LPIN2: variants seen among roughly 807,000 people sequenced by gnomAD.
LPIN2 encodes phosphatidate phosphatase LPIN2.
LPIN2 carries 55 observed loss-of-function variants against 111.4 expected under a neutral mutation model. The ratio of observed to expected loss-of-function variants is 0.49; its 90% CI spans 0.40 to 0.62. The LOEUF is 0.62. Among genes scored for constraint, LPIN2 ranks in the 20% least tolerant of loss-of-function variants. The probability of loss-of-function intolerance (pLI) is 0.00; values close to 1 mark genes in which losing one functional copy is unlikely to be tolerated. For synonymous variants in LPIN2, 425 were observed against 414.0 expected (o/e 1.03, Z -0.32); for missense variants, 992 against 1,112.1 (o/e 0.89, Z 1.54).
At chr18:2,993,014 G>A (rs1256300335) in intron 1 of LPIN2, among the ~76,000 whole-genome samples, 1 of 151,476 alleles carries the variant, frequency 6.6e-6, no homozygotes, top group Non-Finnish European at 1.5e-5. Flanking sequence ...TTAGCCAGGT[G>A]TGGTGGTGTA....
At chr18:2,995,614 C>T (rs2078328532) in intron 1 of LPIN2, among the ~76,000 whole-genome samples, 1 of 152,202 alleles carries the variant, frequency 6.6e-6, no homozygotes, top group Admixed American at 6.5e-5. Flanking sequence ...AGGTGCCACA[C>T]AGGATAAAAA....
At chr18:2,973,006 A>C (rs1399896314) in intron 1 of LPIN2, among the ~76,000 whole-genome samples, 1 of 152,202 alleles carries the variant, frequency 6.6e-6, no homozygotes, top group African/African-American at 2.4e-5. Flanking sequence ...TAAGAACTGT[A>C]ATCAGTTCAA....
At chr18:3,011,397 TA>T (rs34843666) in intron 1 of LPIN2, among the ~76,000 whole-genome samples, 15,076 of 152,156 alleles carry the variant, frequency 0.099, 1,137 homozygotes, top group East Asian at 0.39. Context: ...GGAGATACCT[TA>T]AGTCTGGCTG....
intron 4 of LPIN2, among the ~76,000 whole-genome samples, chr18:2,949,084 T>C (rs2077497273): frequency 6.6e-6 from 1 of 152,228 alleles, no homozygotes; most frequent in Admixed American, 6.5e-5. Flanking sequence ...ATTACAGGCA[T>C]GGGCTACCGT....
At chr18:2,989,117 T>A (rs1353989231) in intron 1 of LPIN2, among the ~76,000 whole-genome samples, 1 of 152,186 alleles carries the variant, frequency 6.6e-6, no homozygotes, top group Non-Finnish European at 1.5e-5. Context: ...GAAAGACAGA[T>A]TTGCTTTATC....
At chr18:2,955,541 T>A (rs1423812660) in intron 2 of LPIN2, among the ~76,000 whole-genome samples, 4 of 152,200 alleles carry the variant, frequency 2.6e-5, no homozygotes, top group African/African-American at 9.7e-5. Flanking sequence ...CCTCTAACAC[T>A]GGAGTTCACA....
At chr18:2,937,570 A>G in intron 7 of LPIN2, 122 bp downstream of exon 7, 1 of 661,404 alleles carries the variant, frequency 1.5e-6, no homozygotes, top group South Asian at 1.8e-5. Context: ...AAAAAAAAAA[A>G]AGTGCGACGG....
At chr18:2,951,022 C>T (rs368433063) in intron 4 of LPIN2, 33 bp downstream of exon 4, 15 of 1,612,804 alleles carry the variant, frequency 9.3e-6, no homozygotes, top group South Asian at 1.1e-5. Flanking sequence ...TCTAGGTACC[C>T]GCACAAGACC....
At chr18:2,992,521 CA>C (rs1232295659) in intron 1 of LPIN2, among the ~76,000 whole-genome samples, 1 of 152,144 alleles carries the variant, frequency 6.6e-6, no homozygotes, top group Non-Finnish European at 1.5e-5. Context: ...TGAAATCATA[CA>C]TTCAAAAATG....
At position 2,924,524 on chromosome 18, in the gene LPIN2, C is replaced by T; in HGVS notation, c.1961G>A (p.Gly654Asp). Residue 654 changes from glycine (G) to aspartate (D), a missense_variant, in exon 15 of 20, where the codon GGC becomes GAC. Around this residue, in one of 4 missense-constraint regions of LPIN2, gnomAD observed 709 missense variants for 753.2 expected, o/e 0.94. Coordinates refer to ENST00000677752, the MANE Select transcript of LPIN2 (RefSeq NM_001375808.2). ...DQIAKLKLHD[G>D]PNDVVFSITT... ...AATACTAAACACAACATCATTTGGG[C>T]CATCGTGGAGCTTCAGTTTTGCCTT... 1 of 1,614,148 alleles carries T rather than the reference C, an allele frequency of 6.2e-7. No homozygotes were observed. Among genetic ancestry groups the T allele is most frequent in the Non-Finnish European group, 8.5e-7 (1 of 1,180,004 alleles).
At chr18:2,960,621 G>A (rs372882908) in intron 2 of LPIN2, 28 bp downstream of exon 2, 7 of 1,606,816 alleles carry the variant, frequency 4.4e-6, no homozygotes, top group Non-Finnish European at 6.0e-6. Flanking sequence ...ATCTCAGGAT[G>A]ACTTTTCCTC....
At chr18:2,952,946 A>G (rs1284392976) in intron 3 of LPIN2, among the ~76,000 whole-genome samples, 1 of 152,238 alleles carries the variant, frequency 6.6e-6, no homozygotes, top group African/African-American at 2.4e-5. Context: ...AAAATCTGAG[A>G]GAAAAAAATC....
Position 2,924,390 on chromosome 18 carries a change from G to A in LPIN2, c.2087+8C>T, listed in dbSNP as rs2077100589. The A allele has an allele frequency of 6.2e-7, 1 of 1,614,066 alleles. No individual in the cohort carries two copies. The highest frequency in any genetic ancestry group is 1.1e-5 in the South Asian group (1 of 91,074). On this transcript the variant is annotated splice_region_variant and intron_variant, in intron 15 of 19. Transcript: ENST00000677752. ...TTCCTTGCCACCCACCTGAAGGATT[G>A]AGCTTACTTGGTTATTGTCCCATCA... is the stretch of plus-strand genomic sequence containing the variant.
At position 2,937,847 on chromosome 18, in the gene LPIN2, T is replaced by A; in HGVS notation, c.1013A>T (p.Asp338Val). Residue 338 changes from aspartate to valine, a missense_variant, in exon 7 of 20, where the codon GAC becomes GTC. Coordinates refer to ENST00000677752, the MANE Select transcript of LPIN2 (RefSeq NM_001375808.2). ...GAGAAGCTCTGCCACAGATGTTGGG[T>A]CGCTCATCTGTGTACCCAGGGCTCT... ...KPRALGTQMS[D>V]PTSVAELLEP... 6.2e-7 allele frequency: 1 copy of A among 1,614,134 alleles called. No homozygotes were observed. Among genetic ancestry groups the A allele is most frequent in the Non-Finnish European group, 8.5e-7 (1 of 1,180,020 alleles).
intron 9 of LPIN2, among the ~76,000 whole-genome samples, chr18:2,929,856 GC>G (rs2077188734): frequency 1.3e-5 from 2 of 152,210 alleles, no homozygotes; most frequent in Non-Finnish European, 2.9e-5. Flanking sequence ...GTTGCAGTGA[GC>G]TGAGATGGTG....
intron 14 of LPIN2, 55 bp from the exon 15 acceptor site, chr18:2,924,601 A>G: frequency 1.9e-6 from 3 of 1,583,962 alleles, no homozygotes; most frequent in Non-Finnish European, 2.6e-6. Flanking sequence ...GTTTGAAACG[A>G]TTTAAAAATT....
chr18:3,002,970 A>G (rs2078456776), intron 1 of LPIN2, among the ~76,000 whole-genome samples: 1 of 152,218 alleles, frequency 6.6e-6, no homozygotes, highest in South Asian at 2.1e-4. Context: ...CCTTTGTCCT[A>G]TGACTCTCTC....
intron 1 of LPIN2, among the ~76,000 whole-genome samples, chr18:2,997,442 CTAAACATAACAAATTCA>C: frequency 2.1e-5 from 1 of 48,570 alleles, no homozygotes; most frequent in African/African-American, 4.0e-5. Context: ...TTGTATTTTT[CTAAACATAACAAATTCA>C]AAGGAACATT....
In LPIN2 at chr18:2,960,811, C is replaced by G. The variant is rs1201537617; in HGVS notation, c.30G>C (p.Gln10His). Residue 10 changes from glutamine (Q) to histidine (H), a missense_variant, in exon 2 of 20, where the codon CAG becomes CAC. Physicochemically the swap from Gln to His is conservative, Grantham distance 24 (BLOSUM62 0). Coordinates refer to ENST00000677752, the MANE Select transcript of LPIN2 (RefSeq NM_001375808.2). ...AGAGTTCCTTCACAGTGACAATCACCTGCCCAGCCAGCTGTCCCACATAAT... is the reference window on the plus strand; with the variant it reads ...AGAGTTCCTTCACAGTGACAATCACGTGCCCAGCCAGCTGTCCCACATAAT... MNYVGQLAG[Q>H]VIVTVKELYK... 2 of 1,614,142 alleles carry G rather than the reference C, an allele frequency of 1.2e-6. No individual in the cohort carries two copies. Among genetic ancestry groups the G allele is most frequent in the African/African-American group, 2.7e-5 (2 of 75,042 alleles).
Sources: allele counts gnomAD v4.1 joint callset (sites outside exome capture counted in the v4.1 genomes callset), GRCh38; gene constraint gnomAD v4.1.1; regional missense constraint gnomAD v4.1.1; transcripts MANE v1.5; gene names NCBI Gene and HGNC (gene_info 2026-07-23, HGNC 2026-07-21).